ORC3: variants seen among roughly 807,000 people sequenced by gnomAD.
ORC3 encodes the protein homolog of latheo, Drosophila.
In ORC3, 78 loss-of-function variants were observed where a neutral mutation model predicts 100.7. That is an observed-to-expected ratio of 0.77 (90% CI 0.65 to 0.94). ORC3 has a LOEUF of 0.94. Among genes scored for constraint, ORC3 ranks in the 40% least tolerant of loss-of-function variants. ORC3 has a pLI of 0.00. For missense variants in ORC3, 789 were observed against 823.9 expected (o/e 0.96, Z 0.52); for synonymous variants, 295 against 289.3 (o/e 1.02, Z -0.20).
At chr6:87,602,932 T>TTATATATATATACACATATATAATATA (rs2128248397) in intron 3 of ORC3, among the ~76,000 whole-genome samples, 1 of 129,736 alleles carries the variant, frequency 7.7e-6, no homozygotes, top group Non-Finnish European at 1.6e-5. Flanking sequence ...ATATACACGT[T>TTATATATATATACACATATATAATATA]TATATATATA....
At chr6:87,614,608 C>CT (rs1439577174) in intron 8 of ORC3, among the ~76,000 whole-genome samples, 1 of 152,156 alleles carries the variant, frequency 6.6e-6, no homozygotes. Flanking sequence ...CAAGTCACCT[C>CT]TTGAATGCTT....
chr6:87,635,035 T>C, intron 12 of ORC3, 74 bp downstream of exon 12: 2 of 825,752 alleles, frequency 2.4e-6, no homozygotes, highest in Middle Eastern at 2.2e-4. Context: ...TTTTGTAGCA[T>C]TCAGGCATCA....
At chr6:87,609,324 CTGG>C (rs1778577974) in intron 7 of ORC3, 95 bp downstream of exon 7, 1 of 790,448 alleles carries the variant, frequency 1.3e-6, no homozygotes, top group Admixed American at 3.0e-5. Flanking sequence ...TTAATACCAA[CTGG>C]ATAAAAATCA....
intron 8 of ORC3, 31 bp from the exon 9 acceptor site, chr6:87,616,283 G>A (rs775087037): frequency 2.5e-6 from 2 of 810,906 alleles, no homozygotes; most frequent in East Asian, 2.5e-5. Flanking sequence ...CTAACAAGGA[G>A]TGTGTCCCCC....
At position 87,616,644 on chromosome 6, in the gene ORC3, A is replaced by G. The variant is rs571768396; in HGVS notation, c.987+217A>G. ...ATATCAATAATGGGAAAAGACTTCT[A>G]TTCCAGCAATTCTTAACCATTTTGG... On this transcript the variant is annotated intron_variant, in intron 9 of 19. Coordinates refer to ENST00000392844, the MANE Select transcript of ORC3 (RefSeq NM_012381.4). Among the ~76,000 whole-genome samples, 6 of 152,324 alleles carry G rather than the reference A, an allele frequency of 3.9e-5. No homozygotes were observed. The East Asian group carries it at 7.7e-4, about 20-fold the overall frequency.
chr6:87,596,770 T>C (rs1314151529), intron 2 of ORC3, among the ~76,000 whole-genome samples: 1 of 152,210 alleles, frequency 6.6e-6, no homozygotes, highest in Non-Finnish European at 1.5e-5. Flanking sequence ...AAATCCAGTA[T>C]TACTATCAGA....
At position 87,612,264 on chromosome 6, in the gene ORC3, T is replaced by G. The variant is rs762382688; in HGVS notation, c.873+16T>G. 1.6e-5 allele frequency: 25 copies of G among 1,569,392 alleles called. No individual in the cohort carries two copies. In the South Asian group the frequency reaches 2.9e-4, roughly 18 times the overall value. On this transcript the variant is annotated intron_variant, in intron 8 of 19. Transcript: ENST00000392844. ...ACTCGATAAGGTAAAAAGAATAAGT[T>G]TTACCAGTGAAATAGGATGAAAAGA... is the stretch of plus-strand genomic sequence containing the variant.
At position 87,611,304 on chromosome 6, in the gene ORC3, C is replaced by G. The variant is rs553794462; in HGVS notation, c.714-785C>G. Among the ~76,000 whole-genome samples, 3 of 152,170 alleles carry G rather than the reference C, an allele frequency of 2.0e-5. No homozygotes were observed. In the East Asian group the frequency reaches 5.8e-4, roughly 29 times the overall value. ...CCTAGGACTTTTCTTAATGCTGACA[C>G]TGAACTGCTTAGCATGCTTGGAAAG... On this transcript the variant is annotated intron_variant, in intron 7 of 19. Transcript: ENST00000392844.
intron 11 of ORC3, among the ~76,000 whole-genome samples, chr6:87,626,822 G>A (rs1055744181): frequency 1.3e-4 from 20 of 150,860 alleles, no homozygotes; most frequent in Non-Finnish European, 2.8e-4. Context: ...ATAATTCCTA[G>A]TATGATTTTT....
chr6:87,675,958 C>T, the ORC3 span: 1 of 1,586,482 alleles, frequency 6.3e-7, no homozygotes, highest in Admixed American at 1.8e-5. Context: ...TTGTCAATTA[C>T]ATTTGTAAAA....
chr6:87,595,123 A>G (rs1301349256), intron 2 of ORC3: 1 of 152,246 alleles, frequency 6.6e-6, no homozygotes, highest in East Asian at 1.9e-4. Flanking sequence ...AATGCTGTGC[A>G]CATCAATACA....
chr6:87,609,284 AC>A, intron 7 of ORC3, 55 bp downstream of exon 7: 1 of 1,239,508 alleles, frequency 8.1e-7, no homozygotes, highest in South Asian at 1.7e-5. Context: ...AGAAAATACT[AC>A]TTTTAACTTG....
At chr6:87,667,797 C>G (rs1474440245), downstream of ORC3, among the ~76,000 whole-genome samples, 2 of 152,066 alleles carry the variant, frequency 1.3e-5, no homozygotes, top group Non-Finnish European at 2.9e-5. Flanking sequence ...GGTGTGGTGG[C>G]ACATGCCTGT....
intron 15 of ORC3, 41 bp from the exon 16 acceptor site, chr6:87,657,880 G>T (rs548014934): frequency 3.5e-6 from 4 of 1,133,422 alleles, no homozygotes; most frequent in Non-Finnish European, 4.0e-6. Flanking sequence ...GGGGTTTTCT[G>T]TCTGAGGATC....
intron 7 of ORC3, among the ~76,000 whole-genome samples, chr6:87,610,475 C>G (rs1562330890): frequency 6.6e-6 from 1 of 152,126 alleles, no homozygotes; most frequent in Non-Finnish European, 1.5e-5. Context: ...CTCTTTGGGG[C>G]CTCCCAAAGT....
chr6:87,594,331 C>A (rs779900743), intron 1 of ORC3, 22 bp from the exon 2 acceptor site: 2 of 1,559,938 alleles, frequency 1.3e-6, no homozygotes, highest in Non-Finnish European at 1.7e-6. Context: ...TGACTTTATG[C>A]TTTTCGTCTT....
intron 14 of ORC3, among the ~76,000 whole-genome samples, chr6:87,655,943 A>C (rs549694188): frequency 6.6e-6 from 1 of 152,326 alleles, no homozygotes; most frequent in African/African-American, 2.4e-5. Flanking sequence ...GTAGCTAAAA[A>C]GCAGTTTATT....
chr6:87,632,635 G>A (rs538940760), intron 11 of ORC3, among the ~76,000 whole-genome samples: 1 of 152,054 alleles, frequency 6.6e-6, no homozygotes, highest in Non-Finnish European at 1.5e-5. Context: ...GGCTGAGGTG[G>A]GTGGATCACT....
intron 14 of ORC3, among the ~76,000 whole-genome samples, chr6:87,654,098 A>G (rs1769483117): frequency 6.6e-6 from 1 of 152,218 alleles, no homozygotes; most frequent in South Asian, 2.1e-4. Context: ...TTCATATATA[A>G]TCACATAGAA....
Sources: allele counts gnomAD v4.1 joint callset (sites outside exome capture counted in the v4.1 genomes callset), GRCh38; gene constraint gnomAD v4.1.1; transcripts MANE v1.5; gene names NCBI Gene and HGNC (gene_info 2026-07-23, HGNC 2026-07-21).